The following CD163L1 variants were observed in gnomAD, a reference collection of about 807,000 sequenced individuals.
CD163L1 encodes the protein CD163 molecule like 1.
In CD163L1, 124 loss-of-function variants were observed where a neutral mutation model predicts 165.4. The ratio of observed to expected loss-of-function variants is 0.75; its 90% confidence interval spans 0.65 to 0.87. The LOEUF (loss-of-function observed/expected upper bound fraction) is 0.87. CD163L1 is among the 40% of genes least tolerant of loss of function. The pLI, the probability that CD163L1 is intolerant of heterozygous loss-of-function variation, is 0.00. For synonymous variants in CD163L1, 585 were observed against 662.2 expected (o/e 0.88, Z 1.79); for missense variants, 1,525 against 1,799.9 (o/e 0.85, Z 2.76).
intron 4 of CD163L1, among the ~76,000 whole-genome samples, chr12:7,419,679 T>G (rs1948311844): frequency 6.6e-6 from 1 of 152,066 alleles, no homozygotes; most frequent in Non-Finnish European, 1.5e-5. Flanking sequence ...AAAATTAATG[T>G]ATACAAATCA....
At chr12:7,339,646 T>C in the CD163L1 span, among the ~76,000 whole-genome samples, 1 of 152,130 alleles carries the variant, frequency 6.6e-6, no homozygotes. Flanking sequence ...TCCTCTAAGC[T>C]TAGACTAAGA....
At chr12:7,348,434 G>A (rs1946685518) in intron 4 of CD163L1, among the ~76,000 whole-genome samples, 1 of 152,196 alleles carries the variant, frequency 6.6e-6, no homozygotes, top group Admixed American at 6.5e-5. Flanking sequence ...AGGAGAATGG[G>A]TGACAGTAGA....
intron 18 of CD163L1, among the ~76,000 whole-genome samples, chr12:7,361,276 C>G (rs773535544): frequency 6.6e-6 from 1 of 152,294 alleles, no homozygotes; most frequent in South Asian, 2.1e-4. Context: ...GATCCTCCCT[C>G]TATGTGATTT....
chr12:7,443,635 C>A (rs765386958), intron 1 of CD163L1, among the ~76,000 whole-genome samples: 2 of 152,292 alleles, frequency 1.3e-5, no homozygotes, highest in African/African-American at 4.8e-5. Context: ...ACTTGAGATT[C>A]TACTACATGA....
rs138766818 is a variant in CD163L1 at position 7,410,955 on chromosome 12, A to G, written c.767-4103T>C. ...AAGCATTGCCATAAACTACAAGTGC[A>G]GGAACACAAAGAAAATGACATCTAA... On this transcript the variant is annotated intron_variant, in intron 4 of 19. Coordinates refer to ENST00000313599, the MANE Select transcript of CD163L1 (RefSeq NM_174941.6). 3.4e-3 allele frequency among the ~76,000 whole-genome samples: 522 copies of G among 151,480 alleles called. 4 individuals carry two copies. The highest frequency in any genetic ancestry group is 0.012 in the African/African-American group (488 of 41,482).
In CD163L1 at chr12:7,398,278, A is replaced by G; in HGVS notation, c.1715T>C (p.Ile572Thr). ...ACAAGTCTTACCTGAGCAGGTTACA[A>G]TCACATCCTCTCTGTGTACACAATT... is the stretch of plus-strand genomic sequence containing the variant. ...KHNCVHREDV[I>T]VTCSGDATWG... The change falls in exon 7 of 20, where the codon ATT (isoleucine) becomes ACT (threonine). Residue 572 changes from isoleucine to threonine, a missense_variant. Coordinates refer to ENST00000313599, the MANE Select transcript of CD163L1 (RefSeq NM_174941.6). This position sits in a 1 kb window ranked among gnomAD's most constrained non-coding sequence, Gnocchi z 4.5. 6.2e-7 allele frequency: 1 copy of G among 1,613,640 alleles called. No individual in the cohort carries two copies. The highest frequency in any genetic ancestry group is 1.3e-5 in the African/African-American group (1 of 75,066).
chr12:7,398,635 CAGA>C lies in CD163L1; in HGVS notation c.1409-54_1409-52del, dbSNP rs769366834. 4 of 1,458,512 alleles carry C rather than the reference CAGA, an allele frequency of 2.7e-6. No homozygotes were observed. In the African/African-American group the frequency reaches 5.7e-5, roughly 21 times the overall value. The allele number at this position is 1,458,512 out of a possible 1,614,324, so 90.3% of individuals were successfully genotyped here. ...TTGAGATCAAATGAGAGAGTCTTTT[CAGA>C]AGACTGAAAAGACTCTCTAAATTCA... On this transcript the variant is annotated intron_variant, in intron 6 of 19. Transcript: ENST00000313599. This position sits in a 1 kb window ranked among gnomAD's most constrained non-coding sequence, Gnocchi z 4.5.
At chr12:7,380,293 G>GTATACACATATACACACATA (rs1565783990) in intron 8 of CD163L1, among the ~76,000 whole-genome samples, 1 of 115,718 alleles carries the variant, frequency 8.6e-6, no homozygotes, top group African/African-American at 2.9e-5. Flanking sequence ...GTGTGTGTGT[G>GTATACACATATACACACATA]TGTGTGTGTA....
In CD163L1 at chr12:7,374,143, G is replaced by A. The variant is rs1376213022; in HGVS notation, c.3409+299C>T. Among the ~76,000 whole-genome samples, 2 of 152,170 alleles carry A rather than the reference G, an allele frequency of 1.3e-5. No individual in the cohort carries two copies. The highest frequency in any genetic ancestry group is 4.8e-5 in the African/African-American group (2 of 41,446). The stretch of plus-strand genomic sequence containing the variant: ...CAACAAAATAAGGCAGATTGGACAC[G>A]GTTGACAGTGTGTTCTCAGAGCCAG... On this transcript the variant is annotated intron_variant, in intron 13 of 19. Transcript: ENST00000313599. This position sits in a 1 kb window ranked among gnomAD's most constrained non-coding sequence, Gnocchi z 5.4.
chr12:7,342,073 C>A (rs887321085), downstream of CD163L1, among the ~76,000 whole-genome samples: 3 of 151,986 alleles, frequency 2.0e-5, no homozygotes, highest in South Asian at 6.2e-4. Flanking sequence ...GATGGTCACA[C>A]AGAAATATCA....
At chr12:7,407,176 T>C (rs1948041124) in intron 4 of CD163L1, among the ~76,000 whole-genome samples, 1 of 152,120 alleles carries the variant, frequency 6.6e-6, no homozygotes, top group Admixed American at 6.6e-5. Context: ...TGTCAAAACA[T>C]GAGCCTTTGC....
At chr12:7,415,590 C>A (rs1276682223) in intron 4 of CD163L1, among the ~76,000 whole-genome samples, 1 of 152,130 alleles carries the variant, frequency 6.6e-6, no homozygotes, top group Admixed American at 6.6e-5. Context: ...CCCCAACCCC[C>A]AACAGGCCCT....
Position 7,372,442 on chromosome 12 carries a change from T to A in CD163L1, c.3730+878A>T, listed in dbSNP as rs760591713. Among the ~76,000 whole-genome samples, 1 of 152,246 alleles carries A rather than the reference T, an allele frequency of 6.6e-6. No homozygotes were observed. Among genetic ancestry groups the A allele is most frequent in the East Asian group, 1.9e-4 (1 of 5,184 alleles). On this transcript the variant is annotated intron_variant, in intron 14 of 19. Transcript: ENST00000313599. The surrounding 1 kb of genome is among the most constrained non-coding windows in gnomAD (Gnocchi z 4.2). The stretch of plus-strand genomic sequence containing the variant: ...AGGATGCTTATAATGGCATTATTTA[T>A]ACTAGTTTGACATTGAGAAATAGCC...
intron 8 of CD163L1, among the ~76,000 whole-genome samples, chr12:7,386,774 T>A (rs186444717): frequency 6.6e-6 from 1 of 152,016 alleles, no homozygotes; most frequent in Admixed American, 6.6e-5. Flanking sequence ...AAATTCAACA[T>A]CCCTTCATAA....
chr12:7,424,866 C>T (rs1017508132), intron 4 of CD163L1, among the ~76,000 whole-genome samples: 1 of 152,156 alleles, frequency 6.6e-6, no homozygotes, highest in Non-Finnish European at 1.5e-5. Flanking sequence ...ACATTCAATG[C>T]TCATGGATAA....
downstream of CD163L1, among the ~76,000 whole-genome samples, chr12:7,344,221 C>T (rs1010565475): frequency 3.3e-5 from 5 of 152,010 alleles, no homozygotes; most frequent in Non-Finnish European, 5.9e-5. Flanking sequence ...GCTGGGACTA[C>T]AGACATGTGT....
chr12:7,369,319 T>C lies in CD163L1; in HGVS notation c.4039+38A>G. The C allele has an allele frequency of 1.3e-6, 2 of 1,588,566 alleles. No individual in the cohort carries two copies. The highest frequency in any genetic ancestry group is 1.7e-6 in the Non-Finnish European group (2 of 1,162,812). ...GTTTCCCAGTGTTCTCTACCATTAG[T>C]GGGAGGCTCAGTTTAAGTGCAGCCT... On this transcript the variant is annotated intron_variant, in intron 15 of 19. Transcript: ENST00000313599. The surrounding 1 kb of genome is among the most constrained non-coding windows in gnomAD (Gnocchi z 4.9).
At chr12:7,435,288 T>C (rs1184748322) in intron 2 of CD163L1, among the ~76,000 whole-genome samples, 1 of 151,942 alleles carries the variant, frequency 6.6e-6, no homozygotes, top group East Asian at 1.9e-4. Flanking sequence ...AAATACACTC[T>C]ATAAAAAGTG....
chr12:7,365,826 G>T (rs7489328), intron 18 of CD163L1, among the ~76,000 whole-genome samples: 36,960 of 151,902 alleles, frequency 0.24, 4,570 homozygotes, highest in South Asian at 0.37. Context: ...TATAAATTAG[G>T]ATAGTCATTA....
Sources: gnomAD v4.1 joint callset for allele counts (sites outside exome capture counted in the v4.1 genomes callset) on GRCh38, gnomAD v4.1.1 for gene constraint, Gnocchi (gnomAD v3.1) non-coding constraint, MANE v1.5 for transcripts, NCBI Gene and HGNC (gene_info 2026-07-23, HGNC 2026-07-21) for gene names.